DNAH6: variants seen among roughly 807,000 people sequenced by gnomAD.
DNAH6 encodes axonemal beta dynein heavy chain 6.
A neutral mutation model predicts 491.4 loss-of-function variants in DNAH6; 340 were observed. That is an observed-to-expected ratio of 0.69 (90% confidence interval 0.63 to 0.76). The LOEUF (loss-of-function observed/expected upper bound fraction) is 0.76, where lower values mean the gene tolerates loss of function less well. DNAH6 is among the 30% of genes least tolerant of loss of function. The pLI is 0.00. For synonymous variants in DNAH6, 1,603 were observed against 1,686.1 expected (o/e 0.95, Z 1.21); for missense variants, 4,443 against 4,972.2 (o/e 0.89, Z 3.20).
At chr2:84,629,220 A>G (rs1297904591) in intron 29 of DNAH6, among the ~76,000 whole-genome samples, 2 of 152,180 alleles carry the variant, frequency 1.3e-5, no homozygotes, top group African/African-American at 4.8e-5. Flanking sequence ...CAATGCTGCA[A>G]TAAGCATTAT....
At chr2:84,730,365 G>A (rs1699024480) in intron 61 of DNAH6, among the ~76,000 whole-genome samples, 1 of 152,122 alleles carries the variant, frequency 6.6e-6, no homozygotes. Flanking sequence ...AAGGTAAATG[G>A]ATTTCTGCAA....
the DNAH6 span, among the ~76,000 whole-genome samples, chr2:84,465,904 T>C: frequency 1.3e-5 from 2 of 152,242 alleles, no homozygotes; most frequent in Non-Finnish European, 2.9e-5. Context: ...TTTGTTTTAT[T>C]ATACTTGGCC....
At chr2:84,565,641 G>T (rs542509686) in intron 11 of DNAH6, among the ~76,000 whole-genome samples, 1 of 151,984 alleles carries the variant, frequency 6.6e-6, no homozygotes, top group South Asian at 2.1e-4. Flanking sequence ...CAATTTCTTT[G>T]TTAGTTTTCT....
At chr2:84,781,789 G>A in intron 65 of DNAH6, 136 bp downstream of exon 65, 3 of 1,112,440 alleles carry the variant, frequency 2.7e-6, no homozygotes, top group South Asian at 4.4e-5. Flanking sequence ...TTGAGGCCTA[G>A]ACAGATTTAG....
chr2:84,565,177 A>G (rs1049370986), intron 11 of DNAH6, among the ~76,000 whole-genome samples: 4 of 151,898 alleles, frequency 2.6e-5, no homozygotes, highest in African/African-American at 9.7e-5. Context: ...TCTGCCAGAT[A>G]TTGGTGTCAG....
chr2:84,662,652 C>T (rs924261684), intron 37 of DNAH6, among the ~76,000 whole-genome samples: 4 of 152,230 alleles, frequency 2.6e-5, no homozygotes, highest in African/African-American at 9.6e-5. Flanking sequence ...GGCCTACCTG[C>T]CTCTGTAGAC....
At chr2:84,710,953 T>C (rs1038806293) in intron 56 of DNAH6, among the ~76,000 whole-genome samples, 1 of 152,164 alleles carries the variant, frequency 6.6e-6, no homozygotes, top group South Asian at 2.1e-4. Flanking sequence ...ATGGATGTTA[T>C]TTAAAATTGT....
chr2:84,461,543 G>T, the DNAH6 span, among the ~76,000 whole-genome samples: 95 of 152,260 alleles, frequency 6.2e-4, 1 homozygote, highest in Non-Finnish European at 1.9e-4. Context: ...TCTGCCACTG[G>T]CTACATGACC....
At chr2:84,690,880 G>A (rs1018725006) in intron 45 of DNAH6, among the ~76,000 whole-genome samples, 1 of 152,190 alleles carries the variant, frequency 6.6e-6, no homozygotes, top group Admixed American at 6.5e-5. Context: ...ATTTCCATTT[G>A]CTGGTGACAT....
chr2:84,818,258 T>G (rs1208035254), intron 76 of DNAH6, among the ~76,000 whole-genome samples: 2 of 152,002 alleles, frequency 1.3e-5, no homozygotes, highest in African/African-American at 4.8e-5. Context: ...ACCTACTACC[T>G]AAGAATTATT....
Position 84,589,016 on chromosome 2 carries a change from A to G in DNAH6, c.2610+62A>G, listed in dbSNP as rs1406270507. 1.4e-5 allele frequency: 19 copies of G among 1,402,774 alleles called. No individual in the cohort carries two copies. In the East Asian group the frequency reaches 4.7e-4, roughly 35 times the overall value. The allele number at this position is 1,402,774 out of a possible 1,614,324, so 86.9% of individuals were successfully genotyped here. ...GTGTATAGAAATGGCGTATATGCAC[A>G]AGGACTTCAATAATGTAACTGTAAA... On this transcript the variant is annotated intron_variant, in intron 16 of 76. Coordinates refer to ENST00000389394, the MANE Select transcript of DNAH6 (RefSeq NM_001370.2).
the DNAH6 span, among the ~76,000 whole-genome samples, chr2:84,484,320 G>A: frequency 6.6e-6 from 1 of 152,132 alleles, no homozygotes; most frequent in Non-Finnish European, 1.5e-5. Flanking sequence ...ATTTTATAAT[G>A]TACAGGAATT....
chr2:84,555,575 CT>C (rs1679938062), intron 10 of DNAH6, among the ~76,000 whole-genome samples: 1 of 152,182 alleles, frequency 6.6e-6, no homozygotes, highest in Non-Finnish European at 1.5e-5. Flanking sequence ...CTATATCTAC[CT>C]ATCTATATCT....
At chr2:84,588,181 A>G (rs1406545962) in intron 15 of DNAH6, among the ~76,000 whole-genome samples, 1 of 152,146 alleles carries the variant, frequency 6.6e-6, no homozygotes, top group African/African-American at 2.4e-5. Context: ...GGCTTTTTCT[A>G]ATCTAGAGCA....
chr2:84,648,118 A>C (rs1221673315), intron 33 of DNAH6, among the ~76,000 whole-genome samples: 3 of 152,254 alleles, frequency 2.0e-5, no homozygotes, highest in Non-Finnish European at 4.4e-5. Context: ...ATGTAAAATT[A>C]AATGAGCACT....
chr2:84,640,318 T>C (rs1475938847), intron 31 of DNAH6, 112 bp from the exon 32 acceptor site: 14 of 704,196 alleles, frequency 2.0e-5, no homozygotes, highest in Admixed American at 3.5e-5. Context: ...TTAAAAGACA[T>C]AACAACTTGG....
At chr2:84,573,913 A>C (rs1682162798) in intron 12 of DNAH6, among the ~76,000 whole-genome samples, 1 of 152,186 alleles carries the variant, frequency 6.6e-6, no homozygotes, top group Non-Finnish European at 1.5e-5. Flanking sequence ...TACCTCTACC[A>C]ATTCCATTAA....
intron 11 of DNAH6, among the ~76,000 whole-genome samples, chr2:84,569,232 A>G (rs939134451): frequency 6.6e-6 from 1 of 152,182 alleles, no homozygotes; most frequent in Admixed American, 6.5e-5. Context: ...TAATTAATAT[A>G]GAGTGATTTC....
At chr2:84,781,466 A>G in intron 64 of DNAH6, 27 bp from the exon 65 acceptor site, 1 of 1,525,232 alleles carries the variant, frequency 6.6e-7, no homozygotes. Flanking sequence ...GCATAAGATG[A>G]TATTGTGTTC....
Sources: allele counts gnomAD v4.1 joint callset (sites outside exome capture counted in the v4.1 genomes callset), GRCh38; gene constraint gnomAD v4.1.1; transcripts MANE v1.5; gene names NCBI Gene and HGNC (gene_info 2026-07-23, HGNC 2026-07-21).